SEMA5A: variants seen among roughly 807,000 people sequenced by gnomAD.
The protein encoded by SEMA5A is semaphorin-5A.
In SEMA5A, 55 loss-of-function variants were observed where a neutral mutation model predicts 135.5. That is an observed-to-expected ratio of 0.41 (90% CI 0.33 to 0.51). SEMA5A has a LOEUF of 0.51. SEMA5A is among the 20% of genes least tolerant of loss of function. The probability of loss-of-function intolerance (pLI) is 0.37; values close to 1 mark genes in which losing one functional copy is unlikely to be tolerated. For missense variants in SEMA5A, 1,290 were observed against 1,419.9 expected, an observed-to-expected ratio of 0.91 and a Z score of 1.47; for synonymous variants, 580 against 546.5, an observed-to-expected ratio of 1.06 and a Z score of -0.85.
At chr5:9,530,076 T>C (rs1737356838) in intron 1 of SEMA5A, among the ~76,000 whole-genome samples, 1 of 152,224 alleles carries the variant, frequency 6.6e-6, no homozygotes. Context: ...CAGGGAGGTG[T>C]GCGGGCCGCG....
intron 3 of SEMA5A, among the ~76,000 whole-genome samples, chr5:9,341,674 T>TAATATATA (rs975557445): frequency 2.2e-3 from 50 of 22,876 alleles, no homozygotes; most frequent in Non-Finnish European, 5.2e-3. Flanking sequence ...ATAATATATA[T>TAATATATA]TATATATATA....
At chr5:9,186,798 A>G (rs991624883) in intron 11 of SEMA5A, among the ~76,000 whole-genome samples, 1 of 152,224 alleles carries the variant, frequency 6.6e-6, no homozygotes, top group African/African-American at 2.4e-5. Flanking sequence ...ATCACCTAAA[A>G]TATTATGTTT....
intron 1 of SEMA5A, among the ~76,000 whole-genome samples, chr5:9,467,211 C>T (rs1170694448): frequency 1.3e-5 from 2 of 152,126 alleles, no homozygotes; most frequent in African/African-American, 4.8e-5. Flanking sequence ...CTCCTGGGTT[C>T]AAGCAATTCT....
At chr5:9,076,773 A>G (rs1380218157) in intron 16 of SEMA5A, among the ~76,000 whole-genome samples, 1 of 152,092 alleles carries the variant, frequency 6.6e-6, no homozygotes, top group African/African-American at 2.4e-5. Flanking sequence ...AGCATGCACC[A>G]TCCATTCATT....
chr5:9,436,585 T>C (rs13174956), intron 2 of SEMA5A, among the ~76,000 whole-genome samples: 80,684 of 152,034 alleles, frequency 0.53, 22,544 homozygotes, highest in Middle Eastern at 0.66. Context: ...CACCAATTAT[T>C]CAGAAAATCT....
intron 16 of SEMA5A, among the ~76,000 whole-genome samples, chr5:9,073,553 G>A (rs1168338845): frequency 1.3e-5 from 2 of 152,084 alleles, no homozygotes; most frequent in Non-Finnish European, 2.9e-5. Flanking sequence ...AACAAGGCAA[G>A]GATGTCTGTC....
chr5:9,184,381 C>T lies in SEMA5A; in HGVS notation c.1273+5886G>A, dbSNP rs564619889. Among the ~76,000 whole-genome samples the T allele has an allele frequency of 1.6e-4, 25 of 152,116 alleles. 1 individual carries two copies. In the East Asian group the frequency reaches 4.8e-3, roughly 29 times the overall value. ...CAAATACAGTATGCTTTGAAATTTG[C>T]AGACTCAATTCTTCCTTTATTGCAG... is the stretch of plus-strand genomic sequence containing the variant. On this transcript the variant is annotated intron_variant, in intron 11 of 22. Coordinates refer to ENST00000382496, the MANE Select transcript of SEMA5A (RefSeq NM_003966.3).
At chr5:9,298,005 A>C (rs17196572) in intron 5 of SEMA5A, among the ~76,000 whole-genome samples, 21,330 of 152,152 alleles carry the variant, frequency 0.14, 1,603 homozygotes, top group South Asian at 0.19. Flanking sequence ...AGGTGACCAA[A>C]ATGTCCTCTA....
chr5:9,497,386 G>A (rs191788465), intron 1 of SEMA5A, among the ~76,000 whole-genome samples: 48 of 152,256 alleles, frequency 3.2e-4, no homozygotes, highest in Admixed American at 5.2e-4. Context: ...CAGTCCATAC[G>A]GTTCAGACAC....
At chr5:9,146,252 G>C (rs1203495860) in intron 12 of SEMA5A, among the ~76,000 whole-genome samples, 1 of 152,046 alleles carries the variant, frequency 6.6e-6, no homozygotes, top group Non-Finnish European at 1.5e-5. Flanking sequence ...TACCACTTTT[G>C]TTAGTGCCAG....
intron 5 of SEMA5A, among the ~76,000 whole-genome samples, chr5:9,240,461 T>G (rs1337132023): frequency 6.6e-6 from 1 of 151,936 alleles, no homozygotes; most frequent in Non-Finnish European, 1.5e-5. Flanking sequence ...CTTTTCCAGA[T>G]TATACTAGAA....
At chr5:9,045,454 GA>G (rs1180776662) in intron 21 of SEMA5A, among the ~76,000 whole-genome samples, 2 of 152,130 alleles carry the variant, frequency 1.3e-5, no homozygotes, top group African/African-American at 4.8e-5. Flanking sequence ...TTTTGAGTAT[GA>G]ATATGCACAC....
chr5:9,412,490 CTTTT>C (rs34854075), intron 2 of SEMA5A, among the ~76,000 whole-genome samples: 9 of 103,022 alleles, frequency 8.7e-5, no homozygotes, highest in African/African-American at 2.2e-4. Flanking sequence ...TACTTCATTG[CTTTT>C]TTTTTTTTTT....
intron 6 of SEMA5A, among the ~76,000 whole-genome samples, chr5:9,236,359 G>C (rs568171517): frequency 9.2e-5 from 14 of 152,222 alleles, no homozygotes; most frequent in African/African-American, 3.1e-4. Flanking sequence ...CTGACTCCAG[G>C]TCCCATCTCA....
intron 3 of SEMA5A, among the ~76,000 whole-genome samples, chr5:9,377,405 T>A (rs563089021): frequency 6.6e-6 from 1 of 152,280 alleles, no homozygotes; most frequent in East Asian, 1.9e-4. Flanking sequence ...TTTGCTTCAA[T>A]AATTAAACAA....
At chr5:9,319,065 A>G (rs1457888458) in intron 4 of SEMA5A, among the ~76,000 whole-genome samples, 5 of 152,142 alleles carry the variant, frequency 3.3e-5, no homozygotes. Context: ...TTATCCAGGC[A>G]TATTGGCTTA....
intron 2 of SEMA5A, among the ~76,000 whole-genome samples, chr5:9,417,805 G>A (rs1290878999): frequency 6.6e-6 from 1 of 152,108 alleles, no homozygotes; most frequent in Admixed American, 6.5e-5. Flanking sequence ...ACACCAAGTG[G>A]CTTGAACAAG....
At chr5:9,457,079 T>C (rs1235955275) in intron 1 of SEMA5A, among the ~76,000 whole-genome samples, 1 of 152,206 alleles carries the variant, frequency 6.6e-6, no homozygotes, top group Non-Finnish European at 1.5e-5. Flanking sequence ...CAAATATGTA[T>C]CTATTTCAGA....
intron 8 of SEMA5A, among the ~76,000 whole-genome samples, chr5:9,214,104 G>A (rs1026191741): frequency 6.6e-6 from 1 of 152,206 alleles, no homozygotes; most frequent in African/African-American, 2.4e-5. Context: ...CAAGCAAAGT[G>A]AGGACAAAAT....
Sources: gnomAD v4.1 joint callset for allele counts (sites outside exome capture counted in the v4.1 genomes callset) on GRCh38, gnomAD v4.1.1 for gene constraint, MANE v1.5 for transcripts, NCBI Gene and HGNC (gene_info 2026-07-23, HGNC 2026-07-21) for gene names.